Variants in ACOXL observed in about 807,000 individuals in gnomAD.
ACOXL encodes acyl-coenzyme A oxidase-like protein.
A neutral mutation model predicts 71.9 loss-of-function variants in ACOXL; 70 were observed. The ratio of observed to expected loss-of-function variants is 0.97; its 90% CI spans 0.80 to 1.19. The LOEUF (loss-of-function observed/expected upper bound fraction) is 1.19. ACOXL is among the 50% of genes most tolerant of loss of function. The pLI is 0.00. For synonymous variants in ACOXL, 253 were observed against 281.6 expected (o/e 0.90, Z 1.02); for missense variants, 703 against 736.3 (o/e 0.95, Z 0.52).
At chr2:110,971,617 T>C (rs1396117079) in intron 12 of ACOXL, among the ~76,000 whole-genome samples, 1 of 152,198 alleles carries the variant, frequency 6.6e-6, no homozygotes, top group African/African-American at 2.4e-5. Context: ...ATTCTTTCCA[T>C]TGTTATATAT....
In ACOXL at chr2:111,117,975, T is replaced by G. The variant is rs1574815384; in HGVS notation, c.*159T>G. The stretch of plus-strand genomic sequence containing the variant: ...GGAGGTCCCGCCGAGGCTGGCGAGG[T>G]GCGCGGCTGGCTGCTAGGAAAGAGA... On this transcript the variant is annotated 3_prime_UTR_variant, in exon 18 of 18. Coordinates refer to ENST00000439055, the MANE Select transcript of ACOXL (RefSeq NM_001142807.4). 1.2e-6 allele frequency: 1 copy of G among 852,168 alleles called. No individual in the cohort carries two copies. The highest frequency in any genetic ancestry group is 2.7e-5 in the East Asian group (1 of 37,226). 52.8% of individuals were successfully genotyped at this position (852,168 alleles called of 1,614,324 possible).
intron 9 of ACOXL, among the ~76,000 whole-genome samples, chr2:110,828,056 C>T (rs1689369220): frequency 6.6e-6 from 1 of 152,092 alleles, no homozygotes; most frequent in African/African-American, 2.4e-5. Context: ...CTGTAACCTC[C>T]ACCTCCCAGG....
intron 10 of ACOXL, among the ~76,000 whole-genome samples, chr2:110,896,178 A>G (rs2059000846): frequency 6.6e-6 from 1 of 152,152 alleles, no homozygotes; most frequent in Non-Finnish European, 1.5e-5. Context: ...GTAGGCTGTA[A>G]TGAGTTATGT....
At chr2:111,076,340 G>A (rs927022901) in intron 16 of ACOXL, among the ~76,000 whole-genome samples, 2 of 152,082 alleles carry the variant, frequency 1.3e-5, no homozygotes, top group Non-Finnish European at 2.9e-5. Context: ...TTATCATTAT[G>A]TAATTCCCTC....
At chr2:110,993,718 A>G (rs756716764) in intron 13 of ACOXL, among the ~76,000 whole-genome samples, 5 of 152,136 alleles carry the variant, frequency 3.3e-5, no homozygotes, top group Non-Finnish European at 5.9e-5. Flanking sequence ...ACATTTTGCA[A>G]AGAGATTTCA....
chr2:110,893,352 A>G (rs536803029), intron 10 of ACOXL, among the ~76,000 whole-genome samples: 2 of 144,320 alleles, frequency 1.4e-5, no homozygotes, highest in African/African-American at 4.9e-5. Context: ...ATTAATATGC[A>G]TATAAGATAG....
In ACOXL at chr2:110,747,014, G is replaced by C. The variant is rs112104675; in HGVS notation, c.-23+14240G>C. Reference sequence around the variant, plus strand: ...TGGGCTGAAATAAAATGCAGCAAAAGAACCCTAAAAAAGACATCTAAAGCC... The same window carrying C: ...TGGGCTGAAATAAAATGCAGCAAAACAACCCTAAAAAAGACATCTAAAGCC... On this transcript the variant is annotated intron_variant, in intron 1 of 17. Coordinates refer to ENST00000439055, the MANE Select transcript of ACOXL (RefSeq NM_001142807.4). 2.6e-3 allele frequency among the ~76,000 whole-genome samples: 394 copies of C among 152,200 alleles called. 7 individuals carry two copies. The highest frequency in any genetic ancestry group is 9.1e-3 in the African/African-American group (379 of 41,536).
At chr2:110,871,828 G>C (rs951567286) in intron 10 of ACOXL, among the ~76,000 whole-genome samples, 18 of 152,048 alleles carry the variant, frequency 1.2e-4, no homozygotes, top group African/African-American at 4.3e-4. Context: ...GGGAGCAAGG[G>C]GACGCTTCCT....
At chr2:110,875,978 A>G (rs145624262) in intron 10 of ACOXL, among the ~76,000 whole-genome samples, 213 of 152,264 alleles carry the variant, frequency 1.4e-3, no homozygotes, top group African/African-American at 4.9e-3. Flanking sequence ...ACTGTATTTT[A>G]TAAAGCACCA....
intron 13 of ACOXL, among the ~76,000 whole-genome samples, chr2:110,991,240 G>T (rs1171171444): frequency 6.6e-6 from 1 of 152,076 alleles, no homozygotes; most frequent in Non-Finnish European, 1.5e-5. Flanking sequence ...ACTTCTGCTA[G>T]ATCTGTAGTT....
intron 14 of ACOXL, among the ~76,000 whole-genome samples, chr2:111,026,410 C>CA (rs2065018769): frequency 6.6e-6 from 1 of 151,768 alleles, no homozygotes; most frequent in Non-Finnish European, 1.5e-5. Flanking sequence ...CCTATGAACA[C>CA]AATGTATAGT....
At chr2:110,911,833 A>G (rs1159900353) in intron 11 of ACOXL, among the ~76,000 whole-genome samples, 1 of 152,086 alleles carries the variant, frequency 6.6e-6, no homozygotes, top group Non-Finnish European at 1.5e-5. Flanking sequence ...TTCCATGTCT[A>G]TTTAACATCA....
chr2:111,039,556 A>G (rs752632945), intron 15 of ACOXL, among the ~76,000 whole-genome samples: 17 of 152,200 alleles, frequency 1.1e-4, no homozygotes, highest in African/African-American at 2.7e-4. Context: ...ACCTTTGTCT[A>G]CTGACACGTA....
At chr2:110,749,963 T>A (rs755248496) in intron 1 of ACOXL, among the ~76,000 whole-genome samples, 5 of 152,160 alleles carry the variant, frequency 3.3e-5, no homozygotes, top group Non-Finnish European at 5.9e-5. Context: ...TCAATTTGGG[T>A]TTGTCTGTGT....
intron 10 of ACOXL, among the ~76,000 whole-genome samples, chr2:110,905,951 C>T (rs2059424636): frequency 6.6e-6 from 1 of 152,082 alleles, no homozygotes; most frequent in Admixed American, 6.5e-5. Flanking sequence ...TCTTTCTGCT[C>T]TTCACCCATC....
At chr2:110,789,139 C>T (rs1684351193) in intron 3 of ACOXL, among the ~76,000 whole-genome samples, 1 of 152,190 alleles carries the variant, frequency 6.6e-6, no homozygotes, top group East Asian at 1.9e-4. Flanking sequence ...GGGCTGGGGG[C>T]TGGCTCTGAG....
At chr2:110,762,182 T>A (rs961784077) in intron 1 of ACOXL, among the ~76,000 whole-genome samples, 1 of 152,224 alleles carries the variant, frequency 6.6e-6, no homozygotes, top group African/African-American at 2.4e-5. Flanking sequence ...TTGATTAGCG[T>A]TCACATGGCT....
intron 12 of ACOXL, among the ~76,000 whole-genome samples, chr2:110,937,237 C>A (rs527761034): frequency 6.6e-6 from 1 of 152,130 alleles, no homozygotes; most frequent in South Asian, 2.1e-4. Flanking sequence ...AGCCCCCATC[C>A]AGAAGCTGAC....
chr2:110,791,667 A>C (rs529104390), intron 3 of ACOXL, among the ~76,000 whole-genome samples: 3 of 152,336 alleles, frequency 2.0e-5, no homozygotes, highest in East Asian at 3.9e-4. Context: ...AGCACTTCAC[A>C]TGTCAGATGT....
Sources: allele counts gnomAD v4.1 joint callset (sites outside exome capture counted in the v4.1 genomes callset), GRCh38; gene constraint gnomAD v4.1.1; transcripts MANE v1.5; gene names NCBI Gene and HGNC (gene_info 2026-07-23, HGNC 2026-07-21).